The following UGT1A3 variants were observed in gnomAD, a reference collection of about 807,000 sequenced individuals.
UGT1A3 encodes the protein UDP-glucuronosyltransferase 1A3.
A neutral mutation model predicts 41.0 loss-of-function variants in UGT1A3; 31 were observed. The ratio of observed to expected loss-of-function variants is 0.76; its 90% CI spans 0.57 to 1.02. The LOEUF (loss-of-function observed/expected upper bound fraction) is 1.02, where lower values mean the gene tolerates loss of function less well. Ranked by LOEUF, UGT1A3 falls within the 50% of genes least tolerant of loss-of-function variation. The probability of loss-of-function intolerance (pLI) is 0.00; values close to 1 mark genes in which losing one functional copy is unlikely to be tolerated. For missense variants in UGT1A3, 737 were observed against 671.0 expected, an observed-to-expected ratio of 1.10 and a Z score of -1.09; for synonymous variants, 262 against 257.6, an observed-to-expected ratio of 1.02 and a Z score of -0.17.
rs766536479 is a variant in UGT1A3 at position 233,760,908 on chromosome 2, G to GCAGC, written c.868-6125_868-6122dup. ...CTCATTCAGATCACATGACCTTCCT[G>GCAGC]CAGCGGGTGAAGAACATGCTCATTG... is the stretch of plus-strand genomic sequence containing the variant. On this transcript the variant is annotated intron_variant, in intron 1 of 4. Coordinates refer to ENST00000482026, the MANE Select transcript of UGT1A3 (RefSeq NM_019093.4). 8 of 1,614,152 alleles carry GCAGC rather than the reference G, an allele frequency of 5.0e-6. No individual in the cohort carries two copies. The South Asian group carries it at 8.8e-5, about 18-fold the overall frequency.
At chr2:233,760,745 T>A (rs1697549301) in intron 1 of UGT1A3, 1 of 1,614,020 alleles carries the variant, frequency 6.2e-7, no homozygotes, top group Non-Finnish European at 8.5e-7. Flanking sequence ...ACGGACCCTT[T>A]CCTTCCTTGC....
At chr2:233,751,721 A>G (rs1455896739) in intron 1 of UGT1A3, among the ~76,000 whole-genome samples, 3 of 152,224 alleles carry the variant, frequency 2.0e-5, no homozygotes, top group African/African-American at 7.2e-5. Context: ...CTCACAAGTG[A>G]ACTCTTCCTC....
chr2:233,772,918 G>T lies in UGT1A3; in HGVS notation c.*359G>T. The stretch of plus-strand genomic sequence containing the variant: ...CCCACGGCTGCCCCTACTGCAAATG[G>T]CAGTTTTAATCTTATCTTTTGGCTT... On this transcript the variant is annotated 3_prime_UTR_variant, in exon 5 of 5. Coordinates refer to ENST00000482026, the MANE Select transcript of UGT1A3 (RefSeq NM_019093.4). 5.3e-6 allele frequency: 2 copies of T among 377,338 alleles called. No homozygotes were observed. The highest frequency in any genetic ancestry group is 2.9e-5 in the South Asian group (1 of 34,748). The allele number at this position is 377,338 out of a possible 1,614,324, so 23.4% of individuals were successfully genotyped here.
At chr2:233,747,312 G>A in intron 1 of UGT1A3, 5 of 1,603,228 alleles carry the variant, frequency 3.1e-6, no homozygotes, top group Non-Finnish European at 4.3e-6. Context: ...AGGTGCTGGT[G>A]GTACCCATTG....
intron 1 of UGT1A3, chr2:233,753,657 TTGTG>T (rs1007260491): frequency 1.3e-5 from 2 of 152,228 alleles, no homozygotes; most frequent in African/African-American, 4.8e-5. Context: ...ACTTTCTCAA[TTGTG>T]TGTATGGTGC....
intron 1 of UGT1A3, among the ~76,000 whole-genome samples, chr2:233,731,771 A>T (rs1045763879): frequency 6.6e-6 from 1 of 152,184 alleles, no homozygotes; most frequent in Non-Finnish European, 1.5e-5. Flanking sequence ...TTAGAGTAGT[A>T]TCATTTATAA....
intron 1 of UGT1A3, chr2:233,743,354 T>G (rs1575654135): frequency 1.0e-6 from 1 of 972,108 alleles, no homozygotes; most frequent in South Asian, 1.3e-5. Flanking sequence ...GACATGGACT[T>G]GAAGCTGCCT....
At chr2:233,736,960 T>C (rs1472477561) in intron 1 of UGT1A3, among the ~76,000 whole-genome samples, 1 of 152,166 alleles carries the variant, frequency 6.6e-6, no homozygotes, top group Non-Finnish European at 1.5e-5. Context: ...TGGCCCCTAC[T>C]GGGAGGTGTT....
At position 233,769,083 on chromosome 2, in the gene UGT1A3, A is replaced by G. The variant is rs1376592971; in HGVS notation, c.1307+644A>G. On this transcript the variant is annotated intron_variant, in intron 4 of 4. Coordinates refer to ENST00000482026, the MANE Select transcript of UGT1A3 (RefSeq NM_019093.4). This position sits in a 1 kb window ranked among gnomAD's most constrained non-coding sequence, Gnocchi z 4.4. The stretch of plus-strand genomic sequence containing the variant: ...ACAGAAAGAAATACTCCATTATAAG[A>G]AGCATAGTATCTTTAAGAGAAAAAC... 1.3e-5 allele frequency among the ~76,000 whole-genome samples: 2 copies of G among 152,224 alleles called. No homozygotes were observed. Among genetic ancestry groups the G allele is most frequent in the Non-Finnish European group, 2.9e-5 (2 of 68,046 alleles).
intron 1 of UGT1A3, among the ~76,000 whole-genome samples, chr2:233,746,718 T>C (rs1161016418): frequency 6.6e-6 from 1 of 151,822 alleles, no homozygotes; most frequent in Non-Finnish European, 1.5e-5. Flanking sequence ...ATAAGGGAAT[T>C]AGCAATGGAT....
At chr2:233,760,774 T>C in intron 1 of UGT1A3, 1 of 1,613,992 alleles carries the variant, frequency 6.2e-7, no homozygotes, top group Non-Finnish European at 8.5e-7. Flanking sequence ...CGTGGCCCAG[T>C]ACCTGTCTCT....
intron 4 of UGT1A3, among the ~76,000 whole-genome samples, chr2:233,771,929 A>G (rs1433247357): frequency 6.6e-6 from 1 of 152,182 alleles, no homozygotes; most frequent in African/African-American, 2.4e-5. Flanking sequence ...AGCCTGGGCA[A>G]CACAATAAGA....
Position 233,772,243 on chromosome 2 carries a change from A to G in UGT1A3, c.1308-19A>G, listed in dbSNP as rs763747891. The stretch of plus-strand genomic sequence containing the variant: ...TACCACAGGTGTTCCAGGCATAACG[A>G]AACTGTCTTTGTGTTTAGTTACAAG... On this transcript the variant is annotated intron_variant, in intron 4 of 4. Coordinates refer to ENST00000482026, the MANE Select transcript of UGT1A3 (RefSeq NM_019093.4). 2 of 1,614,184 alleles carry G rather than the reference A, an allele frequency of 1.2e-6. No homozygotes were observed. The highest frequency in any genetic ancestry group is 1.7e-6 in the Non-Finnish European group (2 of 1,180,028).
intron 4 of UGT1A3, chr2:233,770,954 G>C (rs1038327841): frequency 2.6e-5 from 4 of 152,166 alleles, no homozygotes; most frequent in African/African-American, 9.7e-5. Flanking sequence ...ACCTCAGGGA[G>C]CTTTTACTCA....
chr2:233,743,081 G>C, intron 1 of UGT1A3: 1 of 347,046 alleles, frequency 2.9e-6, no homozygotes, highest in Non-Finnish European at 5.6e-6. Context: ...GGCATGAAGT[G>C]TTTATAAATT....
chr2:233,766,390 C>T (rs11679312), intron 1 of UGT1A3, among the ~76,000 whole-genome samples: 2,966 of 152,260 alleles, frequency 0.019, 34 homozygotes, highest in Non-Finnish European at 0.031. Context: ...GTCCAGCTGT[C>T]CTTGCGTCCC....
intron 1 of UGT1A3, among the ~76,000 whole-genome samples, chr2:233,763,329 T>C (rs752568926): frequency 2.0e-5 from 3 of 152,234 alleles, no homozygotes; most frequent in Non-Finnish European, 2.9e-5. Flanking sequence ...ATTATTTTTG[T>C]TTACATTTCC....
At chr2:233,765,256 G>A (rs1698788052) in intron 1 of UGT1A3, among the ~76,000 whole-genome samples, 1 of 152,096 alleles carries the variant, frequency 6.6e-6, no homozygotes, top group African/African-American at 2.4e-5. Flanking sequence ...CCATTACTGG[G>A]TATATACCCA....
intron 1 of UGT1A3, among the ~76,000 whole-genome samples, chr2:233,731,635 T>C (rs2078185230): frequency 6.6e-6 from 1 of 152,238 alleles, no homozygotes; most frequent in Non-Finnish European, 1.5e-5. Flanking sequence ...TATGGCTGCA[T>C]AGTATTCCAT....
Sources: gnomAD v4.1 joint callset for allele counts (sites outside exome capture counted in the v4.1 genomes callset) on GRCh38, gnomAD v4.1.1 for gene constraint, Gnocchi (gnomAD v3.1) non-coding constraint, MANE v1.5 for transcripts, NCBI Gene and HGNC (gene_info 2026-07-23, HGNC 2026-07-21) for gene names.